The following PASK variants were observed in gnomAD, a reference collection of about 807,000 sequenced individuals.
PASK encodes the protein PAS domain containing serine/threonine kinase.
PASK carries 110 observed loss-of-function variants against 121.0 expected under a neutral mutation model. The ratio of observed to expected loss-of-function variants is 0.91; its 90% CI spans 0.78 to 1.06. The LOEUF is 1.06. Ranked by LOEUF, PASK falls within the 50% of genes least tolerant of loss-of-function variation. PASK has a pLI of 0.00. For missense variants in PASK, 1,643 were observed against 1,702.3 expected (o/e 0.97, Z 0.61); for synonymous variants, 686 against 717.8 (o/e 0.96, Z 0.71).
chr2:241,145,560 C>T (rs1367311736), intron 1 of PASK, among the ~76,000 whole-genome samples: 1 of 151,790 alleles, frequency 6.6e-6, no homozygotes, highest in East Asian at 1.9e-4. Context: ...GCACAAAAAA[C>T]TCTAGCTATA....
intron 1 of PASK, among the ~76,000 whole-genome samples, chr2:241,146,120 T>C (rs1425497869): frequency 6.6e-6 from 1 of 152,100 alleles, no homozygotes; most frequent in African/African-American, 2.4e-5. Context: ...AAAAGACACA[T>C]GGCCCAATAA....
chr2:241,148,914 G>C (rs2067118171), intron 1 of PASK, among the ~76,000 whole-genome samples: 1 of 152,042 alleles, frequency 6.6e-6, no homozygotes, highest in African/African-American at 2.4e-5. Flanking sequence ...AAAAATTAGT[G>C]AAAAAATTAA....
chr2:241,114,258 G>C (rs1020138324), intron 14 of PASK: 1 of 985,246 alleles, frequency 1.0e-6, no homozygotes, highest in Non-Finnish European at 1.2e-6. Context: ...ACTAAACTTC[G>C]GAAACCCAAC....
chr2:241,144,577 C>T (rs969640529), intron 1 of PASK, among the ~76,000 whole-genome samples: 5 of 152,248 alleles, frequency 3.3e-5, no homozygotes, highest in African/African-American at 1.2e-4. Context: ...ACTTCTAAGA[C>T]ACACACAGGC....
intron 9 of PASK, 55 bp downstream of exon 9, chr2:241,132,819 C>T (rs2066227748): frequency 1.0e-5 from 14 of 1,396,320 alleles, no homozygotes; most frequent in Non-Finnish European, 1.3e-5. Flanking sequence ...TCCTCATTCA[C>T]CTACCATCTG....
At chr2:241,136,183 C>A (rs2066420486) in intron 7 of PASK, 144 bp from the exon 8 acceptor site, 1 of 737,270 alleles carries the variant, frequency 1.4e-6, no homozygotes, top group Non-Finnish European at 2.4e-6. Context: ...GGGCCAAATG[C>A]CCTTCGACGC....
At chr2:241,149,516 G>A (rs2067181802), upstream of PASK, 22 of 776,024 alleles carry the variant, frequency 2.8e-5, no homozygotes, top group Non-Finnish European at 4.2e-5. Context: ...AGCACCGATT[G>A]ACAAGCTCCA....
At chr2:241,132,332 G>A (rs1351837266) in intron 9 of PASK, among the ~76,000 whole-genome samples, 1 of 151,458 alleles carries the variant, frequency 6.6e-6, no homozygotes, top group Non-Finnish European at 1.5e-5. Context: ...AGACCATCCT[G>A]GCCAACATGG....
intron 14 of PASK, chr2:241,114,104 T>C: frequency 1.0e-6 from 1 of 985,232 alleles, no homozygotes; most frequent in Non-Finnish European, 1.2e-6. Flanking sequence ...ATACAGATAC[T>C]CTGTTTGCTG....
At chr2:241,118,933 C>T in intron 12 of PASK, 1 of 1,035,978 alleles carries the variant, frequency 9.7e-7, no homozygotes. Context: ...TCCCAGCACC[C>T]CAGTGAGTAA....
intron 9 of PASK, among the ~76,000 whole-genome samples, chr2:241,132,522 C>G (rs1439525629): frequency 1.2e-5 from 1 of 81,290 alleles, no homozygotes; most frequent in Non-Finnish European, 2.1e-5. Context: ...CAGCGAGACT[C>G]TGTCTAAAAA....
chr2:241,110,116 T>C (rs566891436), intron 15 of PASK, among the ~76,000 whole-genome samples: 1 of 152,326 alleles, frequency 6.6e-6, no homozygotes, highest in African/African-American at 2.4e-5. Context: ...CGCAATCAAA[T>C]TCAGCCTTGA....
At chr2:241,130,623 T>C (rs1326679788) in intron 9 of PASK, among the ~76,000 whole-genome samples, 1 of 152,080 alleles carries the variant, frequency 6.6e-6, no homozygotes, top group Non-Finnish European at 1.5e-5. Context: ...AACTCACGTG[T>C]TGAGCGCCTG....
chr2:241,106,726 G>A lies in PASK; in HGVS notation c.3815-3C>T, dbSNP rs757282946. ...CGCAGCGGACAGAACTCCACTTTCT[G>A]AAGAAACAAGAAGGTAACTGTATCA... is the stretch of plus-strand genomic sequence containing the variant. On this transcript the variant is annotated splice_polypyrimidine_tract_variant and splice_region_variant and intron_variant, in intron 17 of 17. Coordinates refer to ENST00000234040, the MANE Select transcript of PASK (RefSeq NM_015148.4). 1.9e-6 allele frequency: 3 copies of A among 1,613,812 alleles called. No individual in the cohort carries two copies. Among genetic ancestry groups the A allele is most frequent in the Admixed American group, 1.7e-5 (1 of 60,022 alleles).
intron 8 of PASK, chr2:241,134,499 G>GCATGT (rs2066314373): frequency 6.6e-6 from 1 of 152,304 alleles, no homozygotes; most frequent in East Asian, 1.9e-4. Context: ...GAGGCTGGGC[G>GCATGT]CATGTGCCAA....
In PASK at chr2:241,112,514, C is replaced by CA. The variant is rs11408969; in HGVS notation, c.3334-76dup. ...AATATGCATTTAAAATAAACTGGAA[C>CA]AAAAAAAAACACAAAGAAAAAATAA... On this transcript the variant is annotated intron_variant, in intron 14 of 17. Coordinates refer to ENST00000234040, the MANE Select transcript of PASK (RefSeq NM_015148.4). This position sits in a 1 kb window ranked among gnomAD's most constrained non-coding sequence, Gnocchi z 5.2. The CA allele has an allele frequency of 0.14, 118,353 of 837,454 alleles. 12,087 individuals are homozygous for CA. Among genetic ancestry groups the CA allele is most frequent in the African/African-American group, 0.48 (26,574 of 55,418 alleles). The allele number at this position is 837,454 out of a possible 1,614,324, so 51.9% of individuals were successfully genotyped here.
At chr2:241,141,965 C>T (rs1272296905) in intron 2 of PASK, among the ~76,000 whole-genome samples, 1 of 152,176 alleles carries the variant, frequency 6.6e-6, no homozygotes, top group Non-Finnish European at 1.5e-5. Context: ...CCTCATGCAG[C>T]CACCAGAATG....
In PASK at chr2:241,122,906, T is replaced by C. The variant is rs746819149; in HGVS notation, c.2905-7A>G. On this transcript the variant is annotated splice_region_variant and splice_polypyrimidine_tract_variant and intron_variant, in intron 11 of 17. Coordinates refer to ENST00000234040, the MANE Select transcript of PASK (RefSeq NM_015148.4). Reference sequence around the variant, plus strand: ...AGGGTCTGGCTCTGAGCACCTGCAATGCAGAAGAAGGTCTGTGGGGTCACA... The same window carrying C: ...AGGGTCTGGCTCTGAGCACCTGCAACGCAGAAGAAGGTCTGTGGGGTCACA... 6 of 1,613,570 alleles carry C rather than the reference T, an allele frequency of 3.7e-6. No individual in the cohort carries two copies. Among genetic ancestry groups the C allele is most frequent in the Non-Finnish European group, 1.7e-6 (2 of 1,179,634 alleles).
At chr2:241,114,831 T>A (rs932941694) in intron 14 of PASK, 2 of 1,469,498 alleles carry the variant, frequency 1.4e-6, no homozygotes, top group Admixed American at 5.3e-5. Context: ...CAGGACTGTA[T>A]CTGGCCTCAT....
Sources: allele counts gnomAD v4.1 joint callset (sites outside exome capture counted in the v4.1 genomes callset), GRCh38; gene constraint gnomAD v4.1.1; non-coding constraint Gnocchi (gnomAD v3.1); transcripts MANE v1.5; gene names NCBI Gene and HGNC (gene_info 2026-07-23, HGNC 2026-07-21).